NOC2L: variants seen among roughly 807,000 people sequenced by gnomAD.
NOC2L encodes the protein nucleolar complex protein 2 homolog.
A neutral mutation model predicts 94.2 loss-of-function variants in NOC2L; 101 were observed. The ratio of observed to expected loss-of-function variants is 1.07; its 90% CI spans 0.91 to 1.26. The LOEUF (loss-of-function observed/expected upper bound fraction) is 1.26, where lower values mean the gene tolerates loss of function less well. Ranked by LOEUF, NOC2L falls within the 50% of genes most tolerant of loss-of-function variation. NOC2L has a pLI of 0.00. For synonymous variants in NOC2L, 531 were observed against 413.4 expected, an observed-to-expected ratio of 1.28 and a Z score of -3.45; for missense variants, 1,076 against 980.1, an observed-to-expected ratio of 1.10 and a Z score of -1.31.
chr1:953,695 G>A (rs1557620965), intron 8 of NOC2L, 87 bp downstream of exon 8: 2 of 1,009,856 alleles, frequency 2.0e-6, no homozygotes, highest in East Asian at 2.5e-5. Flanking sequence ...CACCACCTGT[G>A]CCCTGGCCAG....
intron 2 of NOC2L, chr1:958,715 A>G (rs903034823): frequency 5.7e-5 from 40 of 704,314 alleles, no homozygotes; most frequent in Non-Finnish European, 9.3e-5. Flanking sequence ...TTTTTGCACA[A>G]CTCACCAACA....
chr1:957,098 C>T lies in NOC2L; in HGVS notation c.354+1G>A. 6.2e-7 allele frequency: 1 copy of T among 1,614,066 alleles called. No individual in the cohort carries two copies. The highest frequency in any genetic ancestry group is 8.5e-7 in the Non-Finnish European group (1 of 1,180,020). ...CCTTCTGGTTTGGCCCACGCCCTCA[C>T]CTCCAGCACATCTGGCAGGGAGTGG... On this transcript the variant is annotated splice_donor_variant, in intron 3 of 18. Transcript: ENST00000327044. LOFTEE classifies it high-confidence loss of function.
Position 948,590 on chromosome 1 carries a change from A to C in NOC2L, c.1457T>G (p.Val486Gly). The C allele has an allele frequency of 6.5e-7, 1 of 1,544,946 alleles. No homozygotes were observed. The highest frequency in any genetic ancestry group is 8.7e-7 in the Non-Finnish European group (1 of 1,144,614). The change falls in exon 13 of 19, where the codon GTC (valine) becomes GGC (glycine). Residue 486 changes from valine to glycine, a missense_variant. Coordinates refer to ENST00000327044, the MANE Select transcript of NOC2L (RefSeq NM_015658.4). ...GCGCCCTGGCTTCCTGTTGAAGTCG[A>C]CCTGCTGGAACATCTGCCCCAAGGG... ...LPFILEMFQQVDFNRKPGRMS... is the reference protein window; with the variant it reads ...LPFILEMFQQGDFNRKPGRMS...
In NOC2L at chr1:948,164, G is replaced by A. The variant is rs1049590169; in HGVS notation, c.1626C>T (p.Gly542=). ...EYLHSQAHCI[G]FPELVLPVVL... is the part of the protein sequence containing the mutation. ...CCACAGGCAGCACCAGCTCCGGGAA[G>A]CCGATGCAGTGTGCCTGGCTGTGCA... The change falls in exon 14 of 19, where the codon GGC becomes GGT. Residue 542 remains glycine (G), a synonymous_variant. Coordinates refer to ENST00000327044, the MANE Select transcript of NOC2L (RefSeq NM_015658.4). 1.9e-6 allele frequency: 3 copies of A among 1,592,658 alleles called. No homozygotes were observed. The African/African-American group carries it at 4.0e-5, about 21-fold the overall frequency.
chr1:953,119 A>C, intron 9 of NOC2L, 56 bp downstream of exon 9: 1 of 1,328,874 alleles, frequency 7.5e-7, no homozygotes, highest in Non-Finnish European at 1.1e-6. Flanking sequence ...CCCTGCCCTT[A>C]GGCCGAGATT....
chr1:956,402 G>A (rs1253418823), intron 4 of NOC2L, among the ~76,000 whole-genome samples, 187 bp from the exon 5 acceptor site: 6 of 152,160 alleles, frequency 3.9e-5, no homozygotes, highest in African/African-American at 1.4e-4. Flanking sequence ...CTGGGAAGAG[G>A]AGGGAGTCTG....
At chr1:958,803 A>T in intron 2 of NOC2L, 126 bp downstream of exon 2, 3 of 938,916 alleles carry the variant, frequency 3.2e-6, no homozygotes, top group Non-Finnish European at 5.1e-6. Context: ...AGTTAAGCTG[A>T]AAGGACTGGG....
At position 958,992 on chromosome 1, in the gene NOC2L, T is replaced by C; in HGVS notation, c.116A>G (p.Glu39Gly). The C allele has an allele frequency of 6.2e-7, 1 of 1,612,684 alleles. No individual in the cohort carries two copies. The highest frequency in any genetic ancestry group is 1.1e-5 in the South Asian group (1 of 91,082). ...GGCAGCCTCGCGTGCTTCCCGTGTC[T>C]CCGCTTGTGGAGAATTTTCGGACTC... Reference protein sequence around the residue: ...ESESENSPQAETREAREAARS... With the variant: ...ESESENSPQAGTREAREAARS... Residue 39 changes from glutamate to glycine, a missense_variant, in exon 2 of 19, where the codon GAG (glutamate) becomes GGG (glycine). This residue lies in a region of NOC2L where 457 missense variants were observed against 386.0 expected (regional missense o/e 1.18). Transcript: ENST00000327044.
chr1:951,690 A>G (rs1341321767), intron 11 of NOC2L, among the ~76,000 whole-genome samples: 2 of 152,222 alleles, frequency 1.3e-5, no homozygotes, highest in Non-Finnish European at 2.9e-5. Context: ...TGCTCCACCC[A>G]AGAACCCCAC....
chr1:952,592 G>A lies in NOC2L; in HGVS notation c.1011C>T (p.Tyr337=), dbSNP rs775282274. Residue 337 remains tyrosine, a synonymous_variant, in exon 10 of 19, where the codon TAC becomes TAT. Transcript: ENST00000327044. ...ACTTGCAGTTCCTCACATACGTGAT[G>A]TACATTTGCTGCGGAGAGACCCGGG... is the stretch of plus-strand genomic sequence containing the variant. ...TFLGPVLKQM[Y]ITYVRNCKFT... 4.3e-6 allele frequency: 7 copies of A among 1,613,596 alleles called. No homozygotes were observed. Among genetic ancestry groups the A allele is most frequent in the East Asian group, 2.2e-5 (1 of 44,902 alleles).
rs774572741 is a variant in NOC2L, at chr1:945,065, TTGC to T, written c.2132_2134del (p.Ser711del). 3.1e-6 allele frequency: 5 copies of T among 1,613,858 alleles called. No individual in the cohort carries two copies. The highest frequency in any genetic ancestry group is 2.2e-5 in the East Asian group (1 of 44,856). ...ACCCCAAGACCATTCACCCTCCGAGTTGCTGCTGTCCTCCTCGCCCTCCTCCTC... is the reference window on the plus strand; with the variant it reads ...ACCCCAAGACCATTCACCCTCCGAGTTGCTGTCCTCCTCGCCCTCCTCCTC... On this transcript the variant is annotated inframe_deletion, in exon 18 of 19. Transcript: ENST00000327044.
rs978393539 is a variant in NOC2L at position 951,058 on chromosome 1, G to A, written c.1443+69C>T. 32 of 1,232,488 alleles carry A rather than the reference G, an allele frequency of 2.6e-5. 1 individual carries two copies. Among genetic ancestry groups the A allele is most frequent in the Middle Eastern group, 2.6e-4 (1 of 3,824 alleles). 76.3% of individuals were successfully genotyped at this position (1,232,488 alleles called of 1,614,324 possible). On this transcript the variant is annotated intron_variant, in intron 12 of 18. Coordinates refer to ENST00000327044, the MANE Select transcript of NOC2L (RefSeq NM_015658.4). ...AGTCGCCGGACAACTCAGCACAGAC[G>A]CCCGGAGCAGCAGATGCTCCCTACA... is the stretch of plus-strand genomic sequence containing the variant.
At chr1:950,421 ACACACATGCAGACAGGTG>A (rs1166325263) in intron 12 of NOC2L, among the ~76,000 whole-genome samples, 1 of 151,796 alleles carries the variant, frequency 6.6e-6, no homozygotes, top group African/African-American at 2.4e-5. Flanking sequence ...ACGCACAGGT[ACACACATGCAGACAGGTG>A]CACACAGGTA....
chr1:950,075 TAC>T (rs1642211453), intron 12 of NOC2L, among the ~76,000 whole-genome samples: 1 of 152,048 alleles, frequency 6.6e-6, no homozygotes, highest in Non-Finnish European at 1.5e-5. Context: ...CAAAGATGCA[TAC>T]ACACAGGTAC....
rs373754985 is a variant in NOC2L at position 958,940 on chromosome 1, G to A, written c.168C>T (p.Ser56=). Reference sequence around the variant, plus strand: ...ATGTCCCCACTAACCTGGCCGAGGGGCTCCCGCCCGGCTTATCCGGACTCC... The same window carrying A: ...ATGTCCCCACTAACCTGGCCGAGGGACTCCCGCCCGGCTTATCCGGACTCC... ...AARSPDKPGG[S]PSASRRKGRA... Residue 56 remains serine, a synonymous_variant, in exon 2 of 19, where the codon AGC becomes AGT. Transcript: ENST00000327044. The A allele has an allele frequency of 2.6e-5, 42 of 1,612,762 alleles. No homozygotes were observed. The highest frequency in any genetic ancestry group is 3.2e-5 in the Non-Finnish European group (38 of 1,179,954).
In NOC2L at chr1:954,154, G is replaced by A. The variant is rs765461339; in HGVS notation, c.699-72C>T. The stretch of plus-strand genomic sequence containing the variant: ...ACGCGAGGCTGCTCAGCATGTTGGC[G>A]CGTGCCCTGGCCAGCATAGCCTCTA... On this transcript the variant is annotated intron_variant, in intron 6 of 18. Coordinates refer to ENST00000327044, the MANE Select transcript of NOC2L (RefSeq NM_015658.4). 1.1e-4 allele frequency: 157 copies of A among 1,448,566 alleles called. No individual in the cohort carries two copies. In the Middle Eastern group the frequency reaches 1.2e-3, roughly 11 times the overall value. The allele number at this position is 1,448,566 out of a possible 1,614,324, so 89.7% of individuals were successfully genotyped here.
chr1:952,979 A>G (rs1328345102), intron 9 of NOC2L, among the ~76,000 whole-genome samples, 196 bp downstream of exon 9: 1 of 152,024 alleles, frequency 6.6e-6, no homozygotes, highest in Non-Finnish European at 1.5e-5. Flanking sequence ...GGGCCCTGAG[A>G]AGGCCGAGGG....
rs766125669 is a variant in NOC2L at position 959,060 on chromosome 1, C to T, written c.48G>A (p.Val16=). 7.5e-6 allele frequency: 12 copies of T among 1,609,516 alleles called. 1 individual carries two copies. The highest frequency in any genetic ancestry group is 1.7e-5 in the Admixed American group (1 of 59,852). Residue 16 remains valine (V), a synonymous_variant, in exon 2 of 19, where the codon GTG becomes GTA. Coordinates refer to ENST00000327044, the MANE Select transcript of NOC2L (RefSeq NM_015658.4). The part of the protein sequence containing the change: ...SRKRRLAELT[V]DEFLASGFDS... ...CAAAGCCCGAAGCTAGGAACTCGTC[C>T]ACCGTCAGCTCCGCCAGGCGCCTGC...
chr1:956,769 G>A (rs554340002), intron 4 of NOC2L, 125 bp downstream of exon 4: 2 of 1,392,816 alleles, frequency 1.4e-6, no homozygotes, highest in Admixed American at 1.8e-5. Context: ...GGCGCCTCAG[G>A]TGAGGCAAGG....
Sources: gnomAD v4.1 joint callset for allele counts (sites outside exome capture counted in the v4.1 genomes callset) on GRCh38, gnomAD v4.1.1 for gene constraint, gnomAD v4.1.1 regional missense constraint, MANE v1.5 for transcripts, NCBI Gene and HGNC (gene_info 2026-07-23, HGNC 2026-07-21) for gene names.